Variants in LYPLA1 observed in about 807,000 individuals in gnomAD.
The protein encoded by LYPLA1 is lysophospholipase 1.
LYPLA1 carries 17 observed loss-of-function variants against 34.0 expected under a neutral mutation model. That is an observed-to-expected ratio of 0.50 (90% confidence interval 0.34 to 0.75). The LOEUF (loss-of-function observed/expected upper bound fraction) is 0.75. Ranked by LOEUF, LYPLA1 falls within the 30% of genes least tolerant of loss-of-function variation. The pLI, the probability that LYPLA1 is intolerant of heterozygous loss-of-function variation, is 0.01. For missense variants in LYPLA1, 203 were observed against 288.8 expected (o/e 0.70, Z 2.15); for synonymous variants, 98 against 100.8 (o/e 0.97, Z 0.17).
chr8:54,071,883 G>A (rs1402894471), intron 2 of LYPLA1, among the ~76,000 whole-genome samples: 1 of 152,106 alleles, frequency 6.6e-6, no homozygotes, highest in Non-Finnish European at 1.5e-5. Flanking sequence ...AGGAAAAAAT[G>A]TTTTAAAATT....
intron 4 of LYPLA1, 42 bp downstream of exon 4, chr8:54,063,286 A>T (rs1806791329): frequency 2.5e-6 from 3 of 1,209,052 alleles, no homozygotes; most frequent in Non-Finnish European, 3.4e-6. Context: ...ACATTAAATA[A>T]GTAATATAAT....
chr8:54,054,206 C>A (rs1308323677), intron 6 of LYPLA1, among the ~76,000 whole-genome samples: 1 of 152,154 alleles, frequency 6.6e-6, no homozygotes, highest in East Asian at 1.9e-4. Flanking sequence ...TGGTCTCGAA[C>A]TCCTGACCTC....
intron 5 of LYPLA1, among the ~76,000 whole-genome samples, chr8:54,058,155 G>A (rs1432072837): frequency 6.6e-6 from 1 of 152,102 alleles, no homozygotes; most frequent in Non-Finnish European, 1.5e-5. Context: ...ACGTAGTTAA[G>A]TGTTTAAAAT....
chr8:54,096,493 C>A (rs1809693151), intron 2 of LYPLA1, among the ~76,000 whole-genome samples: 1 of 152,108 alleles, frequency 6.6e-6, no homozygotes, highest in South Asian at 2.1e-4. Context: ...AATCCCAGCA[C>A]TTTGGGAGGC....
Position 54,087,926 on chromosome 8 carries a change from C to T in LYPLA1, c.101+12982G>A, listed in dbSNP as rs547175856. On this transcript the variant is annotated intron_variant, in intron 2 of 8. Transcript: ENST00000316963. Reference sequence around the variant, plus strand: ...AGTCATTTATAATCTGACAAGTCCACCCTACTGCTGTGTCTGGTTTCCATT... The same window carrying T: ...AGTCATTTATAATCTGACAAGTCCATCCTACTGCTGTGTCTGGTTTCCATT... Among the ~76,000 whole-genome samples the T allele has an allele frequency of 3.4e-3, 518 of 152,310 alleles. 2 individuals carry two copies. Among genetic ancestry groups the T allele is most frequent in the African/African-American group, 0.012 (494 of 41,574 alleles).
At chr8:54,097,508 G>A (rs981228739) in intron 2 of LYPLA1, among the ~76,000 whole-genome samples, 3 of 152,168 alleles carry the variant, frequency 2.0e-5, no homozygotes, top group African/African-American at 7.2e-5. Context: ...GATATTAATG[G>A]AACAATCTGG....
Position 54,058,876 on chromosome 8 carries a change from C to T in LYPLA1, c.286+3378G>A, listed in dbSNP as rs139881418. ...GAGCAACATCCCTTGGCCTCAATCA[C>T]CTTTCACCTAAGGGTAAGGGCACTA... On this transcript the variant is annotated intron_variant, in intron 5 of 8. Transcript: ENST00000316963. Among the ~76,000 whole-genome samples, 806 of 152,178 alleles carry T rather than the reference C, an allele frequency of 5.3e-3. 10 individuals are homozygous for T. Among genetic ancestry groups the T allele is most frequent in the South Asian group, 0.033 (158 of 4,820 alleles).
intron 5 of LYPLA1, among the ~76,000 whole-genome samples, chr8:54,060,776 T>A (rs1041958571): frequency 7.6e-6 from 1 of 131,816 alleles, no homozygotes; most frequent in Non-Finnish European, 1.6e-5. Context: ...CACTGCAACC[T>A]CCACCTACTG....
chr8:54,083,789 C>G (rs1430990590), intron 2 of LYPLA1, among the ~76,000 whole-genome samples: 1 of 152,134 alleles, frequency 6.6e-6, no homozygotes, highest in Admixed American at 6.6e-5. Context: ...GCATAGGATG[C>G]AGCAAAGGCA....
Position 54,064,052 on chromosome 8 carries a change from C to G in LYPLA1, c.168-677G>C, listed in dbSNP as rs537278567. Among the ~76,000 whole-genome samples, 15 of 152,100 alleles carry G rather than the reference C, an allele frequency of 9.9e-5. No individual in the cohort carries two copies. The South Asian group carries it at 3.1e-3, about 32-fold the overall frequency. ...AAAATTTCTTTGAAAATACAAACTT[C>G]CTAGGTTGGGCAACAGCCTTTTAAA... is the stretch of plus-strand genomic sequence containing the variant. On this transcript the variant is annotated intron_variant, in intron 3 of 8. Coordinates refer to ENST00000316963, the MANE Select transcript of LYPLA1 (RefSeq NM_006330.4).
At position 54,051,186 on chromosome 8, in the gene LYPLA1, A is replaced by G. The variant is rs1301478857; in HGVS notation, c.465T>C (p.Gly155=). ...TATCTCTATTAGCACCACCGATAGG[A>G]CCCTGCAAAAAGCAAAAGAAGAAAT... ...WLPLRASFPQ[G]PIGGANRDIS... is the part of the protein sequence containing the mutation. Residue 155 remains glycine (G), a splice_region_variant and synonymous_variant, in exon 8 of 9, where the codon GGT becomes GGC. Coordinates refer to ENST00000316963, the MANE Select transcript of LYPLA1 (RefSeq NM_006330.4). 1 of 1,591,358 alleles carries G rather than the reference A, an allele frequency of 6.3e-7. No individual in the cohort carries two copies. The highest frequency in any genetic ancestry group is 8.6e-7 in the Non-Finnish European group (1 of 1,169,088).
chr8:54,086,664 A>G (rs1399889986), intron 2 of LYPLA1, among the ~76,000 whole-genome samples: 3 of 151,508 alleles, frequency 2.0e-5, no homozygotes, highest in African/African-American at 7.3e-5. Flanking sequence ...GGAGTTCAAG[A>G]CCAGCCTGTG....
chr8:54,063,655 C>T (rs191994799), intron 3 of LYPLA1, among the ~76,000 whole-genome samples: 349 of 152,166 alleles, frequency 2.3e-3, no homozygotes, highest in African/African-American at 8.0e-3. Context: ...TTCTCAGACA[C>T]GAGAAGAGAA....
chr8:54,052,868 G>A lies in LYPLA1; in HGVS notation c.361-112C>T, dbSNP rs1805941447. 1.0e-5 allele frequency: 7 copies of A among 670,314 alleles called. No homozygotes were observed. The Admixed American group carries it at 1.7e-4, about 16-fold the overall frequency. The allele number at this position is 670,314 out of a possible 1,614,324, so 41.5% of individuals were successfully genotyped here. On this transcript the variant is annotated intron_variant, in intron 6 of 8. Coordinates refer to ENST00000316963, the MANE Select transcript of LYPLA1 (RefSeq NM_006330.4). ...AAAAAAATCAAACTTGGTGGCTGGT[G>A]TCAAATCAAATCAGGCAAATATCGG...
intron 6 of LYPLA1, 132 bp from the exon 7 acceptor site, chr8:54,052,888 T>C (rs1805942557): frequency 3.2e-6 from 2 of 616,946 alleles, no homozygotes; most frequent in Admixed American, 5.0e-5. Flanking sequence ...ATCAGGCAAA[T>C]ATCGGAAATA....
At chr8:54,071,770 T>C (rs909156861) in intron 2 of LYPLA1, among the ~76,000 whole-genome samples, 2 of 152,220 alleles carry the variant, frequency 1.3e-5, no homozygotes, top group African/African-American at 4.8e-5. Context: ...TCCATGCTCA[T>C]GGATAGGAAG....
chr8:54,062,615 A>G (rs2037068), intron 4 of LYPLA1, among the ~76,000 whole-genome samples: 56,559 of 151,930 alleles, frequency 0.37, 15,039 homozygotes, highest in East Asian at 0.74. Context: ...AGGTTCAAGC[A>G]ATTCTCCTGT....
downstream of LYPLA1, chr8:54,045,548 T>C (rs1333375965): frequency 6.6e-6 from 1 of 152,178 alleles, no homozygotes; most frequent in African/African-American, 2.4e-5. Flanking sequence ...TGGTCCAGAA[T>C]TTTCTTACCA....
intron 2 of LYPLA1, among the ~76,000 whole-genome samples, chr8:54,099,801 A>T (rs1221448495): frequency 2.0e-5 from 3 of 151,442 alleles, no homozygotes; most frequent in Non-Finnish European, 4.4e-5. Flanking sequence ...CTCTTCTCTC[A>T]GCCTCCCTAG....
Sources: gnomAD v4.1 joint callset for allele counts (sites outside exome capture counted in the v4.1 genomes callset) on GRCh38, gnomAD v4.1.1 for gene constraint, MANE v1.5 for transcripts, NCBI Gene and HGNC (gene_info 2026-07-23, HGNC 2026-07-21) for gene names.